The following CAST variants were observed in gnomAD, a reference collection of about 807,000 sequenced individuals.
The protein encoded by CAST is calpastatin.
Under a neutral mutation model 119.6 loss-of-function variants are expected in CAST, and 76 were observed. That is an observed-to-expected ratio of 0.64 (90% CI 0.53 to 0.77). The LOEUF is 0.77. Among genes scored for constraint, CAST ranks in the 30% least tolerant of loss-of-function variants. The pLI is 0.00. For synonymous variants in CAST, 319 were observed against 331.6 expected (o/e 0.96, Z 0.41); for missense variants, 953 against 946.5 (o/e 1.01, Z -0.09).
the CAST span, chr5:96,393,445 C>G: frequency 5.0e-5 from 79 of 1,579,626 alleles, 2 homozygotes; most frequent in South Asian, 7.9e-4. Context: ...AAGCTAGTTG[C>G]AACCCTACCA....
the CAST span, among the ~76,000 whole-genome samples, chr5:96,013,451 T>C: frequency 3.9e-5 from 6 of 152,220 alleles, no homozygotes; most frequent in East Asian, 1.2e-3. Context: ...TGCATAGTAC[T>C]CCATTATATA....
the CAST span, among the ~76,000 whole-genome samples, chr5:96,107,385 C>T: frequency 1.1e-4 from 17 of 151,994 alleles, no homozygotes; most frequent in Admixed American, 8.5e-4. Context: ...CCATGTTTAG[C>T]ACTTCCTTCA....
chr5:96,351,159 A>C, the CAST span, among the ~76,000 whole-genome samples: 416 of 152,280 alleles, frequency 2.7e-3, 1 homozygote, highest in African/African-American at 9.7e-3. Flanking sequence ...TTCTTCTATT[A>C]CTAGGGATTT....
rs1224236820 is a variant in CAST at position 96,673,854 on chromosome 5, C to A, written c.76-1685C>A. 2.0e-5 allele frequency among the ~76,000 whole-genome samples: 3 copies of A among 152,122 alleles called. No homozygotes were observed. In the East Asian group the frequency reaches 5.8e-4, roughly 29 times the overall value. On this transcript the variant is annotated intron_variant, in intron 1 of 31. Coordinates refer to ENST00000675179, the MANE Select transcript of CAST (RefSeq NM_001750.7). ...TGCCCTCAACTATGTACAAACAAAC[C>A]CTTGACTAGGATGTATAGGTAAAAG...
chr5:96,579,597 C>A (rs183838528), intron 1 of CAST, among the ~76,000 whole-genome samples: 95 of 152,264 alleles, frequency 6.2e-4, no homozygotes, highest in African/African-American at 2.2e-3. Context: ...CTTCTTGTGG[C>A]AGCTAGGGCC....
the CAST span, among the ~76,000 whole-genome samples, chr5:96,348,199 G>A: frequency 1.3e-5 from 2 of 152,036 alleles, no homozygotes; most frequent in Non-Finnish European, 2.9e-5. Flanking sequence ...TTTAGAGTAA[G>A]AGTTGGAGGA....
the CAST span, among the ~76,000 whole-genome samples, chr5:96,396,028 T>A: frequency 6.6e-6 from 1 of 152,176 alleles, no homozygotes; most frequent in Non-Finnish European, 1.5e-5. Flanking sequence ...ATTTTCTTAG[T>A]TTCCTGATGG....
At chr5:96,118,732 TGAG>T in the CAST span, among the ~76,000 whole-genome samples, 1 of 151,872 alleles carries the variant, frequency 6.6e-6, no homozygotes, top group Non-Finnish European at 1.5e-5. Flanking sequence ...GAAGGTGGGC[TGAG>T]GAAGAAGGTT....
chr5:96,068,396 G>A, the CAST span, among the ~76,000 whole-genome samples: 7 of 152,058 alleles, frequency 4.6e-5, no homozygotes, highest in Admixed American at 6.6e-5. Flanking sequence ...GCTCCACCCC[G>A]CTAGAACTTT....
At chr5:96,495,748 A>G in the CAST span, among the ~76,000 whole-genome samples, 1 of 152,204 alleles carries the variant, frequency 6.6e-6, no homozygotes, top group South Asian at 2.1e-4. Flanking sequence ...GTGTCTTTAT[A>G]GTAGAATTGT....
At chr5:96,060,763 A>G in the CAST span, among the ~76,000 whole-genome samples, 6 of 152,200 alleles carry the variant, frequency 3.9e-5, no homozygotes, top group African/African-American at 1.4e-4. Flanking sequence ...TACCATGTGG[A>G]GTTTGTGGAA....
At chr5:96,088,271 C>T in the CAST span, among the ~76,000 whole-genome samples, 16 of 152,320 alleles carry the variant, frequency 1.1e-4, no homozygotes, top group South Asian at 1.7e-3. Flanking sequence ...TCACTCCCTC[C>T]GGAGACAAAT....
the CAST span, among the ~76,000 whole-genome samples, chr5:96,419,576 A>T: frequency 6.6e-6 from 1 of 151,572 alleles, no homozygotes; most frequent in Admixed American, 6.6e-5. Context: ...TAAGTGGCAG[A>T]TCTAAAATTT....
At chr5:96,362,624 A>C in the CAST span, among the ~76,000 whole-genome samples, 1 of 152,124 alleles carries the variant, frequency 6.6e-6, no homozygotes, top group Non-Finnish European at 1.5e-5. Context: ...TGGCTGCATA[A>C]ATGTCTTCTT....
At chr5:96,585,949 G>A (rs966893772) in intron 1 of CAST, among the ~76,000 whole-genome samples, 3 of 152,128 alleles carry the variant, frequency 2.0e-5, no homozygotes, top group Non-Finnish European at 4.4e-5. Context: ...GTTTTAAAAC[G>A]ATTGTAATAT....
chr5:96,592,108 C>T (rs1432477976), intron 1 of CAST, among the ~76,000 whole-genome samples: 1 of 152,144 alleles, frequency 6.6e-6, no homozygotes, highest in Non-Finnish European at 1.5e-5. Context: ...TATAAGAACC[C>T]AGCTATGGCC....
the CAST span, among the ~76,000 whole-genome samples, chr5:96,040,524 C>G: frequency 6.6e-6 from 1 of 152,050 alleles, no homozygotes; most frequent in Admixed American, 6.6e-5. Flanking sequence ...CTAAATAGCT[C>G]TTTTTATTTT....
intron 1 of CAST, among the ~76,000 whole-genome samples, chr5:96,564,149 T>C (rs1007757939): frequency 2.0e-5 from 3 of 152,232 alleles, no homozygotes; most frequent in Admixed American, 2.0e-4. Flanking sequence ...AGGAAAAAGA[T>C]CCACTTTTAT....
the CAST span, among the ~76,000 whole-genome samples, chr5:95,982,716 C>A: frequency 2.0e-5 from 3 of 152,154 alleles, no homozygotes; most frequent in East Asian, 5.8e-4. Context: ...TGCTTCATAT[C>A]CAGACTATGA....
Sources: allele counts gnomAD v4.1 joint callset (sites outside exome capture counted in the v4.1 genomes callset), GRCh38; gene constraint gnomAD v4.1.1; transcripts MANE v1.5; gene names NCBI Gene and HGNC (gene_info 2026-07-23, HGNC 2026-07-21).